The following DSCAML1 variants were observed in gnomAD, a reference collection of about 807,000 sequenced individuals.
DSCAML1 encodes the protein DS cell adhesion molecule like 1.
A neutral mutation model predicts 200.5 loss-of-function variants in DSCAML1; 38 were observed. That is an observed-to-expected ratio of 0.19 (90% CI 0.15 to 0.25). DSCAML1 has a LOEUF of 0.25. DSCAML1 is among the 10% of genes least tolerant of loss of function. The pLI is 1.00. For synonymous variants in DSCAML1, 1,215 were observed against 1,165.0 expected (o/e 1.04, Z -0.87); for missense variants, 2,223 against 2,858.8 (o/e 0.78, Z 5.07).
intron 11 of DSCAML1, among the ~76,000 whole-genome samples, chr11:117,500,801 C>T (rs531800525): frequency 1.2e-4 from 18 of 152,200 alleles, no homozygotes; most frequent in Non-Finnish European, 2.1e-4. Context: ...TGGAGGCTTT[C>T]TCTGCTATTA....
intron 3 of DSCAML1, among the ~76,000 whole-genome samples, chr11:117,622,808 G>A (rs1403217258): frequency 4.6e-5 from 7 of 152,054 alleles, no homozygotes; most frequent in Admixed American, 3.9e-4. Context: ...CCTGGCATGC[G>A]GACATTTCCC....
At chr11:117,754,207 T>C (rs1381716311) in intron 3 of DSCAML1, among the ~76,000 whole-genome samples, 1 of 152,208 alleles carries the variant, frequency 6.6e-6, no homozygotes, top group Non-Finnish European at 1.5e-5. Context: ...TAATTGGAGC[T>C]GTGCGTGCAT....
intron 3 of DSCAML1, among the ~76,000 whole-genome samples, chr11:117,719,923 C>T (rs2054015098): frequency 6.6e-6 from 1 of 152,194 alleles, no homozygotes; most frequent in Non-Finnish European, 1.5e-5. Flanking sequence ...CAATAGGTCA[C>T]AGGAAAAAGA....
chr11:117,597,657 T>G (rs537141292), intron 3 of DSCAML1, among the ~76,000 whole-genome samples: 132 of 152,298 alleles, frequency 8.7e-4, no homozygotes, highest in African/African-American at 3.1e-3. Context: ...GGTTTCATCA[T>G]GTTGGCCAGG....
At chr11:117,589,927 G>C (rs1401005423) in intron 3 of DSCAML1, among the ~76,000 whole-genome samples, 1 of 152,182 alleles carries the variant, frequency 6.6e-6, no homozygotes, top group African/African-American at 2.4e-5. Context: ...AACAGAGCTT[G>C]GGTTGAAATT....
chr11:117,682,266 C>T (rs566101819), intron 3 of DSCAML1, among the ~76,000 whole-genome samples: 9 of 152,288 alleles, frequency 5.9e-5, no homozygotes, highest in East Asian at 1.9e-4. Flanking sequence ...GTCTGGCCTC[C>T]GCTGCCTGTC....
At chr11:117,634,775 C>A (rs556955669) in intron 3 of DSCAML1, among the ~76,000 whole-genome samples, 1 of 152,308 alleles carries the variant, frequency 6.6e-6, no homozygotes, top group East Asian at 1.9e-4. Flanking sequence ...CTCGAGGCTG[C>A]GGTCGTGGTG....
In DSCAML1 at chr11:117,431,692, C is replaced by A; in HGVS notation, c.5216G>T (p.Ser1739Ile). ...VSRKNVKSAHSTRNRYSSQWT... is the reference protein window; with the variant it reads ...VSRKNVKSAHITRNRYSSQWT... ...CTGGCTTGAGTACCGGTTCCGGGTG[C>A]TGTGGGCTGACTTCACATTCTTCCT... The change falls in exon 31 of 33, where the codon AGC becomes ATC. Residue 1739 changes from serine to isoleucine, a missense_variant. Around this residue, in one of 7 missense-constraint regions of DSCAML1, gnomAD observed 614 missense variants for 739.1 expected, o/e 0.83. Coordinates refer to ENST00000651296, the MANE Select transcript of DSCAML1 (RefSeq NM_020693.4). 6.2e-7 allele frequency: 1 copy of A among 1,602,604 alleles called. No individual in the cohort carries two copies. The highest frequency in any genetic ancestry group is 8.5e-7 in the Non-Finnish European group (1 of 1,173,332).
intron 6 of DSCAML1, among the ~76,000 whole-genome samples, chr11:117,519,611 G>A (rs1341583536): frequency 6.6e-6 from 1 of 152,144 alleles, no homozygotes; most frequent in Non-Finnish European, 1.5e-5. Context: ...CTTGAACCCA[G>A]GAGTTTGAGA....
At chr11:117,537,598 T>G (rs1478196335) in intron 3 of DSCAML1, among the ~76,000 whole-genome samples, 1 of 152,186 alleles carries the variant, frequency 6.6e-6, no homozygotes, top group Non-Finnish European at 1.5e-5. Flanking sequence ...AATGTGACCT[T>G]ACTGGAAATA....
At chr11:117,688,676 G>A (rs2053447882) in intron 3 of DSCAML1, among the ~76,000 whole-genome samples, 1 of 152,166 alleles carries the variant, frequency 6.6e-6, no homozygotes, top group Non-Finnish European at 1.5e-5. Context: ...AATGATGCAT[G>A]CCCACCTTAC....
chr11:117,716,157 G>A (rs2053948277), intron 3 of DSCAML1, among the ~76,000 whole-genome samples: 1 of 152,238 alleles, frequency 6.6e-6, no homozygotes, highest in Non-Finnish European at 1.5e-5. Flanking sequence ...AAAGGCCAGG[G>A]TTGCTTCCAA....
At chr11:117,464,918 A>G in intron 17 of DSCAML1, 24 bp downstream of exon 17, 1 of 1,608,850 alleles carries the variant, frequency 6.2e-7, no homozygotes, top group Non-Finnish European at 8.5e-7. Context: ...ATCTGTGCCC[A>G]CTCCCTTCTG....
Position 117,504,861 on chromosome 11 carries a change from C to CA in DSCAML1, c.2182+62dup, listed in dbSNP as rs1426687110. The CA allele has an allele frequency of 6.5e-7, 1 of 1,542,852 alleles. No individual in the cohort carries two copies. Among genetic ancestry groups the CA allele is most frequent in the Non-Finnish European group, 8.8e-7 (1 of 1,139,910 alleles). On this transcript the variant is annotated intron_variant, in intron 10 of 32. Coordinates refer to ENST00000651296, the MANE Select transcript of DSCAML1 (RefSeq NM_020693.4). The surrounding 1 kb of genome is among the most constrained non-coding windows in gnomAD (Gnocchi z 5.0). ...CTGCATGGAACAGGTTCAAATCCCACAGAGCATCCTCCGTTCCCCGTCCCT... is the reference window on the plus strand; with the variant it reads ...CTGCATGGAACAGGTTCAAATCCCACAAGAGCATCCTCCGTTCCCCGTCCCT...
At chr11:117,653,918 C>T (rs1334189303) in intron 3 of DSCAML1, among the ~76,000 whole-genome samples, 1 of 152,094 alleles carries the variant, frequency 6.6e-6, no homozygotes, top group African/African-American at 2.4e-5. Context: ...CCTGGCTACT[C>T]AGGAGGCTGA....
At position 117,516,886 on chromosome 11, in the gene DSCAML1, A is replaced by G. The variant is rs76188859; in HGVS notation, c.1511-147T>C. 1,848 of 995,356 alleles carry G rather than the reference A, an allele frequency of 1.9e-3. 26 individuals carry two copies. The African/African-American group carries it at 0.025, about 13-fold the overall frequency. The allele number at this position is 995,356 out of a possible 1,614,324, so 61.7% of individuals were successfully genotyped here. On this transcript the variant is annotated intron_variant, in intron 7 of 32. Transcript: ENST00000651296. The surrounding 1 kb of genome is among the most constrained non-coding windows in gnomAD (Gnocchi z 5.7). ...GCGGACATTTGGTGGGGGCACAGGG[A>G]TGCCTTTTTACAAAGCTACAGACAG... is the stretch of plus-strand genomic sequence containing the variant.
intron 3 of DSCAML1, among the ~76,000 whole-genome samples, chr11:117,622,844 G>A (rs1000007282): frequency 3.3e-5 from 5 of 152,108 alleles, no homozygotes; most frequent in East Asian, 1.9e-4. Context: ...AGGATCCTAC[G>A]GGTAACAGAT....
chr11:117,489,838 TTG>T lies in DSCAML1; in HGVS notation c.2360-7678_2360-7677del, dbSNP rs1042149379. Among the ~76,000 whole-genome samples, 1 of 152,220 alleles carries T rather than the reference TTG, an allele frequency of 6.6e-6. No individual in the cohort carries two copies. The highest frequency in any genetic ancestry group is 6.5e-5 in the Admixed American group (1 of 15,288). On this transcript the variant is annotated intron_variant, in intron 11 of 32. Transcript: ENST00000651296. The surrounding 1 kb of genome is among the most constrained non-coding windows in gnomAD (Gnocchi z 4.8). Reference sequence around the variant, plus strand: ...GTCCTCCGGCAGCGTCCTTGCCTCCTTGTGTGTGACTGTGAGACTCTCCAGGG... The same window carrying T: ...GTCCTCCGGCAGCGTCCTTGCCTCCTTGTGTGACTGTGAGACTCTCCAGGG...
At chr11:117,589,915 T>G (rs766782250) in intron 3 of DSCAML1, among the ~76,000 whole-genome samples, 1 of 152,230 alleles carries the variant, frequency 6.6e-6, no homozygotes, top group Non-Finnish European at 1.5e-5. Flanking sequence ...CAGCTGCTAA[T>G]GAACAGAGCT....
Sources: gnomAD v4.1 joint callset for allele counts (sites outside exome capture counted in the v4.1 genomes callset) on GRCh38, gnomAD v4.1.1 for gene constraint, gnomAD v4.1.1 regional missense constraint, Gnocchi (gnomAD v3.1) non-coding constraint, MANE v1.5 for transcripts, NCBI Gene and HGNC (gene_info 2026-07-23, HGNC 2026-07-21) for gene names.